The following ANGPT2 variants were observed in gnomAD, a reference collection of about 807,000 sequenced individuals.
ANGPT2 encodes the protein angiopoietin 2.
A neutral mutation model predicts 62.9 loss-of-function variants in ANGPT2; 28 were observed. The ratio of observed to expected loss-of-function variants is 0.44; its 90% confidence interval spans 0.33 to 0.61. ANGPT2 has a LOEUF of 0.61. ANGPT2 is among the 20% of genes least tolerant of loss of function. ANGPT2 has a pLI of 0.03. For missense variants in ANGPT2, 727 were observed against 594.9 expected, an observed-to-expected ratio of 1.22 and a Z score of -2.31; for synonymous variants, 284 against 207.8, an observed-to-expected ratio of 1.37 and a Z score of -3.15.
At position 6,507,287 on chromosome 8, in the gene ANGPT2, C is replaced by T. The variant is rs77187303; in HGVS notation, c.1327+1645G>A. On this transcript the variant is annotated intron_variant, in intron 8 of 8. Transcript: ENST00000629816. ...ACTTTCATTTATAAAACATGTTGAC[C>T]ATAGCTGTTACCTTTGGTTTTCCTG... 1.5e-3 allele frequency among the ~76,000 whole-genome samples: 232 copies of T among 152,242 alleles called. 1 individual carries two copies. Among genetic ancestry groups the T allele is most frequent in the African/African-American group, 5.6e-3 (231 of 41,544 alleles).
At chr8:6,530,102 G>T (rs1249732697) in intron 2 of ANGPT2, among the ~76,000 whole-genome samples, 5 of 152,050 alleles carry the variant, frequency 3.3e-5, no homozygotes, top group Admixed American at 3.3e-4. Context: ...ATGCTTATGA[G>T]ACATTTTTTG....
chr8:6,512,609 C>T (rs796133088), intron 7 of ANGPT2, among the ~76,000 whole-genome samples: 15 of 152,344 alleles, frequency 9.8e-5, no homozygotes, highest in African/African-American at 3.6e-4. Flanking sequence ...TCCCGTTGCA[C>T]ACACATTTCG....
At chr8:6,547,187 A>G (rs999618816) in intron 1 of ANGPT2, among the ~76,000 whole-genome samples, 1 of 152,040 alleles carries the variant, frequency 6.6e-6, no homozygotes, top group African/African-American at 2.4e-5. Context: ...TCTAAGGTGA[A>G]CTAGTTTTAT....
intron 1 of ANGPT2, among the ~76,000 whole-genome samples, chr8:6,543,084 T>C (rs1821902778): frequency 6.6e-6 from 1 of 152,176 alleles, no homozygotes; most frequent in South Asian, 2.1e-4. Context: ...CCACTGCCTC[T>C]GGACAGAAAC....
chr8:6,539,174 C>A (rs1489308511), intron 1 of ANGPT2, among the ~76,000 whole-genome samples: 1 of 152,172 alleles, frequency 6.6e-6, no homozygotes, highest in Non-Finnish European at 1.5e-5. Context: ...CCTCCTAAAC[C>A]CCTCGCCAGA....
intron 7 of ANGPT2, among the ~76,000 whole-genome samples, chr8:6,511,804 T>C (rs1216555397): frequency 6.6e-6 from 1 of 152,216 alleles, no homozygotes; most frequent in Non-Finnish European, 1.5e-5. Context: ...ACCATCTCAG[T>C]TTAAAATATT....
At chr8:6,521,073 A>T in intron 4 of ANGPT2, 105 bp downstream of exon 4, 5 of 759,908 alleles carry the variant, frequency 6.6e-6, no homozygotes, top group Non-Finnish European at 1.1e-5. Flanking sequence ...TATGAAATAT[A>T]TGAGAAATAG....
At chr8:6,534,655 A>G (rs1820176575) in intron 1 of ANGPT2, among the ~76,000 whole-genome samples, 1 of 152,222 alleles carries the variant, frequency 6.6e-6, no homozygotes, top group South Asian at 2.1e-4. Context: ...AAAATTTAAA[A>G]AAATAAAAAA....
chr8:6,532,526 A>T, intron 1 of ANGPT2, 39 bp from the exon 2 acceptor site: 1 of 1,509,380 alleles, frequency 6.6e-7, no homozygotes, highest in Non-Finnish European at 8.9e-7. Flanking sequence ...CATTAGTCAA[A>T]TGACCGGAAA....
At chr8:6,517,595 C>T (rs948262309) in intron 5 of ANGPT2, among the ~76,000 whole-genome samples, 2 of 152,184 alleles carry the variant, frequency 1.3e-5, no homozygotes, top group South Asian at 4.1e-4. Flanking sequence ...TCCTGCCAGG[C>T]AGAGAAGTTG....
At chr8:6,537,582 A>T (rs1395757762) in intron 1 of ANGPT2, among the ~76,000 whole-genome samples, 1 of 151,638 alleles carries the variant, frequency 6.6e-6, no homozygotes, top group Non-Finnish European at 1.5e-5. Flanking sequence ...ATATATATAT[A>T]TTTTAGTGCA....
chr8:6,539,689 C>A (rs530815554), intron 1 of ANGPT2, among the ~76,000 whole-genome samples: 1 of 152,150 alleles, frequency 6.6e-6, no homozygotes, highest in South Asian at 2.1e-4. Flanking sequence ...CTGGTTCAAA[C>A]GATTCTCCCG....
chr8:6,528,794 G>A (rs938705467), intron 2 of ANGPT2, among the ~76,000 whole-genome samples: 15 of 152,260 alleles, frequency 9.9e-5, no homozygotes, highest in African/African-American at 3.1e-4. Context: ...GTTTGCTGGT[G>A]TCTTTATGTC....
chr8:6,516,288 G>A (rs189874275), intron 5 of ANGPT2, among the ~76,000 whole-genome samples: 1 of 152,288 alleles, frequency 6.6e-6, no homozygotes, highest in African/African-American at 2.4e-5. Flanking sequence ...GATACTTTGT[G>A]TATATTATCT....
At position 6,536,711 on chromosome 8, in the gene ANGPT2, T is replaced by A. The variant is rs1820567740; in HGVS notation, c.289-4224A>T. 2.0e-5 allele frequency among the ~76,000 whole-genome samples: 3 copies of A among 152,184 alleles called. 1 individual carries two copies. The South Asian group carries it at 6.2e-4, about 32-fold the overall frequency. On this transcript the variant is annotated intron_variant, in intron 1 of 8. Coordinates refer to ENST00000629816, the MANE Select transcript of ANGPT2 (RefSeq NM_001118887.2). ...AAGATGTCCCATTTAATGTAGCCTT[T>A]CCATAAATCACCACGTATCAAGGAT...
intron 8 of ANGPT2, among the ~76,000 whole-genome samples, chr8:6,505,396 T>TAGAA (rs1813300093): frequency 1.8e-5 from 1 of 55,798 alleles, no homozygotes; most frequent in African/African-American, 6.2e-5. Context: ...TATATGTATA[T>TAGAA]AGAATATATA....
chr8:6,519,850 G>C lies in ANGPT2; in HGVS notation c.927+14C>G, dbSNP rs1563334339. The C allele has an allele frequency of 6.2e-7, 1 of 1,613,238 alleles. No homozygotes were observed. The highest frequency in any genetic ancestry group is 8.5e-7 in the Non-Finnish European group (1 of 1,179,464). On this transcript the variant is annotated intron_variant, in intron 5 of 8. Transcript: ENST00000629816. The stretch of plus-strand genomic sequence containing the variant: ...TAGAGCCAGGGAGTTAGTAAGGGGA[G>C]ACGAATACCTCACCTTGATCTCTTC...
chr8:6,510,647 G>A (rs1814871902), intron 7 of ANGPT2, among the ~76,000 whole-genome samples: 1 of 152,214 alleles, frequency 6.6e-6, no homozygotes, highest in Non-Finnish European at 1.5e-5. Flanking sequence ...TCCGAGGTCA[G>A]ACTCTTAAGT....
At position 6,562,990 on chromosome 8, in the gene ANGPT2, A is replaced by C; in HGVS notation, c.-56T>G. On this transcript the variant is annotated 5_prime_UTR_variant, in exon 1 of 9. Coordinates refer to ENST00000629816, the MANE Select transcript of ANGPT2 (RefSeq NM_001118887.2). The stretch of plus-strand genomic sequence containing the variant: ...CAAACTTGAGGGCAAACACACGTCC[A>C]GAGTCCCGAGCTGCTGCCGTCTAAA... The C allele has an allele frequency of 6.5e-7, 1 of 1,529,834 alleles. No individual in the cohort carries two copies. The highest frequency in any genetic ancestry group is 1.3e-5 in the South Asian group (1 of 78,986). The allele number at this position is 1,529,834 out of a possible 1,614,324, so 94.8% of individuals were successfully genotyped here. A position where few individuals can be genotyped will look rare whatever the true frequency, so the allele number is the denominator to read the frequency against.
Sources: gnomAD v4.1 joint callset for allele counts (sites outside exome capture counted in the v4.1 genomes callset) on GRCh38, gnomAD v4.1.1 for gene constraint, MANE v1.5 for transcripts, NCBI Gene and HGNC (gene_info 2026-07-23, HGNC 2026-07-21) for gene names.